The following SHBG variants were observed in gnomAD, a reference collection of about 807,000 sequenced individuals.
The protein encoded by SHBG is sex hormone-binding globulin.
A neutral mutation model predicts 41.9 loss-of-function variants in SHBG; 37 were observed. The observed-to-expected ratio is 0.88, with a 90% CI of 0.68 to 1.16. SHBG has a LOEUF of 1.16. Ranked by LOEUF, SHBG falls within the 50% of genes most tolerant of loss-of-function variation. The probability of loss-of-function intolerance (pLI) is 0.00; values close to 1 mark genes in which losing one functional copy is unlikely to be tolerated. For missense variants in SHBG, 466 were observed against 499.9 expected (o/e 0.93, Z 0.65); for synonymous variants, 217 against 205.8 (o/e 1.05, Z -0.47).
chr17:7,615,031 C>A (rs201428958), intron 1 of SHBG, among the ~76,000 whole-genome samples: 12 of 152,332 alleles, frequency 7.9e-5, no homozygotes, highest in African/African-American at 1.9e-4. Context: ...CTCACTCCCC[C>A]TCCTGGTCGC....
chr17:7,629,948 T>C, upstream of SHBG: 1 of 607,172 alleles, frequency 1.6e-6, no homozygotes, highest in South Asian at 1.8e-5. Flanking sequence ...CAGTGGAGGA[T>C]GATAGTGGAG....
At chr17:7,624,256 C>CT (rs949136090), upstream of SHBG, among the ~76,000 whole-genome samples, 10 of 149,092 alleles carry the variant, frequency 6.7e-5, no homozygotes, top group South Asian at 2.1e-4. Context: ...TGGCCATTTT[C>CT]TTTTTTTTTG....
chr17:7,631,582 A>G lies in SHBG; in HGVS notation c.556-7A>G. 6.2e-7 allele frequency: 1 copy of G among 1,613,422 alleles called. No homozygotes were observed. The highest frequency in any genetic ancestry group is 8.5e-7 in the Non-Finnish European group (1 of 1,179,876). On this transcript the variant is annotated splice_region_variant and splice_polypyrimidine_tract_variant and intron_variant, in intron 4 of 7. Transcript: ENST00000380450. Reference sequence around the variant, plus strand: ...CATCCCCGTATCTTATCTCTGTCACACTCCAGCTGGTTCCTGCCCTGGATG... The same window carrying G: ...CATCCCCGTATCTTATCTCTGTCACGCTCCAGCTGGTTCCTGCCCTGGATG...
chr17:7,617,433 T>A (rs1002107677), intron 1 of SHBG, among the ~76,000 whole-genome samples: 1 of 151,644 alleles, frequency 6.6e-6, no homozygotes, highest in Non-Finnish European at 1.5e-5. Context: ...TGAAATTCCA[T>A]CTCTACTAAA....
upstream of SHBG, among the ~76,000 whole-genome samples, chr17:7,629,676 C>G (rs912193855): frequency 2.6e-5 from 4 of 152,118 alleles, no homozygotes; most frequent in Non-Finnish European, 5.9e-5. Flanking sequence ...TATTATTTTC[C>G]TCATTTTACA....
At chr17:7,619,642 G>T (rs1294034696) in intron 1 of SHBG, among the ~76,000 whole-genome samples, 1 of 149,162 alleles carries the variant, frequency 6.7e-6, no homozygotes, top group African/African-American at 2.5e-5. Context: ...GGAGGCAGAG[G>T]TTGCCTCTGC....
chr17:7,629,302 C>T (rs1267370690), upstream of SHBG, among the ~76,000 whole-genome samples: 1 of 149,684 alleles, frequency 6.7e-6, no homozygotes, highest in African/African-American at 2.5e-5. Flanking sequence ...CGCTTGAACT[C>T]GAGAGGCAGA....
At chr17:7,623,308 T>C (rs1385040210), upstream of SHBG, among the ~76,000 whole-genome samples, 1 of 152,188 alleles carries the variant, frequency 6.6e-6, no homozygotes, top group East Asian at 1.9e-4. Flanking sequence ...GGAGAACTGC[T>C]TGGACCCAGG....
At chr17:7,614,559 C>T (rs759684574) in intron 1 of SHBG, 2 of 1,414,082 alleles carry the variant, frequency 1.4e-6, no homozygotes, top group Non-Finnish European at 1.9e-6. Context: ...CCGACTCCCC[C>T]GGCGGCGGCT....
chr17:7,615,658 C>T (rs1166783364), intron 1 of SHBG, among the ~76,000 whole-genome samples: 1 of 103,056 alleles, frequency 9.7e-6, no homozygotes, highest in East Asian at 3.2e-4. Flanking sequence ...CCCCCCCCCC[C>T]ACCCCGCATC....
In SHBG at chr17:7,631,681, C is replaced by T; in HGVS notation, c.648C>T (p.Ser216=). Residue 216 remains serine (S), a synonymous_variant, in exon 5 of 8, where the codon AGC becomes AGT. Transcript: ENST00000380450. The part of the protein sequence containing the change: ...ISASAPTSLR[S]CDVESNPGIF... ...CATCTGCCCCCACTAGCCTCAGAAG[C>T]TGTGATGTAGAATCAAATCCCGGGA... The T allele has an allele frequency of 6.2e-7, 1 of 1,614,166 alleles. No homozygotes were observed. Among genetic ancestry groups the T allele is most frequent in the African/African-American group, 1.3e-5 (1 of 75,056 alleles).
intron 1 of SHBG, among the ~76,000 whole-genome samples, chr17:7,618,180 C>T (rs535090227): frequency 2.0e-5 from 3 of 152,042 alleles, no homozygotes; most frequent in Non-Finnish European, 4.4e-5. Context: ...GATCACACCA[C>T]TGCACTACAT....
At position 7,630,946 on chromosome 17, in the gene SHBG, C is replaced by T. The variant is rs2072387882; in HGVS notation, c.393+77C>T. 8.2e-6 allele frequency: 11 copies of T among 1,338,806 alleles called. No individual in the cohort carries two copies. In the South Asian group the frequency reaches 1.2e-4, roughly 14 times the overall value. 82.9% of individuals were successfully genotyped at this position (1,338,806 alleles called of 1,614,324 possible). A position where few individuals can be genotyped will look rare whatever the true frequency, so the allele number is the denominator to read the frequency against. Reference sequence around the variant, plus strand: ...AAGGGAACAAAACCAAGTTATTGGGCATCCCTCTACCACTGTCATCTCGTT... The same window carrying T: ...AAGGGAACAAAACCAAGTTATTGGGTATCCCTCTACCACTGTCATCTCGTT... On this transcript the variant is annotated intron_variant, in intron 3 of 7. Coordinates refer to ENST00000380450, the MANE Select transcript of SHBG (RefSeq NM_001040.5). The surrounding 1 kb of genome is among the most constrained non-coding windows in gnomAD (Gnocchi z 4.6).
In SHBG at chr17:7,621,598, G is replaced by A. The variant is rs549690755; in HGVS notation, c.-62+7487G>A. 2.5e-3 allele frequency among the ~76,000 whole-genome samples: 126 copies of A among 51,188 alleles called. 10 individuals carry two copies. Among genetic ancestry groups the A allele is most frequent in the African/African-American group, 6.9e-3 (119 of 17,206 alleles). 33.6% of individuals were successfully genotyped at this position (51,188 alleles called of 152,430 possible). On this transcript the variant is annotated intron_variant, in intron 1 of 5. Coordinates refer to the SHBG transcript ENST00000570547. Reference sequence around the variant, plus strand: ...CCTGGGGGCAACAGAGCGAGTCTCCGTCTAAAAAAAAAAAAAAAAAAAAAA... The same window carrying A: ...CCTGGGGGCAACAGAGCGAGTCTCCATCTAAAAAAAAAAAAAAAAAAAAAA...
chr17:7,622,199 T>C (rs1447933232), intron 1 of SHBG, among the ~76,000 whole-genome samples: 1 of 151,680 alleles, frequency 6.6e-6, no homozygotes, highest in Non-Finnish European at 1.5e-5. Context: ...CCCTCCACTC[T>C]GTTTCCCTTA....
upstream of SHBG, chr17:7,627,574 A>C (rs766581645): frequency 5.6e-6 from 9 of 1,610,380 alleles, no homozygotes; most frequent in Admixed American, 1.5e-4. This position sits in a 1 kb window ranked among gnomAD's most constrained non-coding sequence, Gnocchi z 4.8. Context: ...CTTCACCCGA[A>C]TCAGCCTCAG....
At chr17:7,630,001 G>A (rs2072345465), upstream of SHBG, 2 of 685,996 alleles carry the variant, frequency 2.9e-6, no homozygotes, top group Non-Finnish European at 5.3e-6. The surrounding 1 kb of genome is among the most constrained non-coding windows in gnomAD (Gnocchi z 4.6). Context: ...AGGGGTGATA[G>A]CTGAGTCTTG....
upstream of SHBG, chr17:7,626,940 T>G (rs774805709): frequency 3.7e-6 from 6 of 1,613,378 alleles, no homozygotes; most frequent in Non-Finnish European, 5.1e-6. Context: ...TTCTGCCCAG[T>G]ACCCCGATAT....
intron 1 of SHBG, among the ~76,000 whole-genome samples, chr17:7,621,566 A>G (rs1303523061): frequency 1.9e-5 from 2 of 107,204 alleles, no homozygotes; most frequent in African/African-American, 7.1e-5. Context: ...ATGCCACTAC[A>G]CTCCAGCCTG....
Sources: allele counts gnomAD v4.1 joint callset (sites outside exome capture counted in the v4.1 genomes callset), GRCh38; gene constraint gnomAD v4.1.1; non-coding constraint Gnocchi (gnomAD v3.1); transcripts MANE v1.5; gene names NCBI Gene and HGNC (gene_info 2026-07-23, HGNC 2026-07-21).